The following MYO7A variants were observed in gnomAD, a reference collection of about 807,000 sequenced individuals.
MYO7A encodes the protein myosin VIIA, also known as unconventional myosin-VIIa.
MYO7A carries 210 observed loss-of-function variants against 263.8 expected under a neutral mutation model. That is an observed-to-expected ratio of 0.80 (90% CI 0.71 to 0.89). The LOEUF is 0.89. Among genes scored for constraint, MYO7A ranks in the 40% least tolerant of loss-of-function variants. MYO7A has a pLI of 0.00. For synonymous variants in MYO7A, 1,239 were observed against 1,197.3 expected (o/e 1.03, Z -0.72); for missense variants, 2,820 against 2,968.3 (o/e 0.95, Z 1.16).
In MYO7A at chr11:77,208,573, C is replaced by T. The variant is rs1187206039; in HGVS notation, c.5944+56C>T. On this transcript the variant is annotated intron_variant, in intron 43 of 48. Transcript: ENST00000409709. The stretch of plus-strand genomic sequence containing the variant: ...GGCCCAGAGCAGGGAAGTGTGGGCT[C>T]GGGGCTGTGCCGTGAGGCCCACCTA... 8.9e-6 allele frequency: 14 copies of T among 1,567,392 alleles called. No homozygotes were observed. The East Asian group carries it at 1.8e-4, about 21-fold the overall frequency.
intron 18 of MYO7A, among the ~76,000 whole-genome samples, chr11:77,176,983 T>C (rs1555080411): frequency 6.6e-6 from 1 of 152,154 alleles, no homozygotes; most frequent in Non-Finnish European, 1.5e-5. Flanking sequence ...GCAGACACCC[T>C]GGATCATGGG....
intron 15 of MYO7A, 50 bp downstream of exon 15, chr11:77,166,212 G>A (rs1555072499): frequency 1.3e-6 from 2 of 1,511,792 alleles, no homozygotes; most frequent in Non-Finnish European, 1.8e-6. Context: ...CACGGGCCAG[G>A]CCTGAGTCTA....
rs551521854 is a variant in MYO7A, at chr11:77,182,411, C to T, written c.3109-13C>T. On this transcript the variant is annotated splice_polypyrimidine_tract_variant and intron_variant, in intron 24 of 48. Transcript: ENST00000409709. ...CCTCCGCTCTGGCCTCTGACATGCG[C>T]GCTCTGCCCCAGGCAGCCCTGGCGG... The T allele has an allele frequency of 8.8e-5, 142 of 1,607,670 alleles. No homozygotes were observed. In the South Asian group the frequency reaches 9.3e-4, roughly 11 times the overall value.
intron 4 of MYO7A, among the ~76,000 whole-genome samples, chr11:77,151,951 C>A (rs906074406): frequency 6.6e-6 from 1 of 152,190 alleles, no homozygotes; most frequent in East Asian, 1.9e-4. Flanking sequence ...CCCTACCCCC[C>A]ACACATCTGC....
intron 3 of MYO7A, among the ~76,000 whole-genome samples, chr11:77,147,166 C>G (rs1176634830): frequency 1.3e-5 from 2 of 152,092 alleles, no homozygotes; most frequent in Non-Finnish European, 2.9e-5. Context: ...ACCTGCCAAG[C>G]CTTTGCCAGC....
Position 77,190,013 on chromosome 11 carries a change from G to A in MYO7A, c.3631-7G>A, listed in dbSNP as rs1955932094. On this transcript the variant is annotated splice_region_variant and splice_polypyrimidine_tract_variant and intron_variant, in intron 28 of 48. Coordinates refer to ENST00000409709, the MANE Select transcript of MYO7A (RefSeq NM_000260.4). ...AGGGGCCGCCTCAGCGGGTACTCTG[G>A]CTGCAGTACCTGCGGAACTTCATCC... 2.0e-6 allele frequency: 3 copies of A among 1,536,146 alleles called. No individual in the cohort carries two copies. In the South Asian group the frequency reaches 3.6e-5, roughly 19 times the overall value.
Position 77,138,635 on chromosome 11 carries a change from T to C in MYO7A, c.19-4074T>C, listed in dbSNP as rs1376296325. Among the ~76,000 whole-genome samples, 1 of 152,150 alleles carries C rather than the reference T, an allele frequency of 6.6e-6. No individual in the cohort carries two copies. Among genetic ancestry groups the C allele is most frequent in the African/African-American group, 2.4e-5 (1 of 41,440 alleles). The stretch of plus-strand genomic sequence containing the variant: ...TTCCTAGGAGGAGAGGTTTTGCATC[T>C]GGGAAACCCAAGCCAGGCAGGCCAG... On this transcript the variant is annotated intron_variant, in intron 2 of 48. Transcript: ENST00000409709. This position sits in a 1 kb window ranked among gnomAD's most constrained non-coding sequence, Gnocchi z 4.9.
intron 32 of MYO7A, 96 bp from the exon 33 acceptor site, chr11:77,197,367 ACAGGAGGTGCAGGAGCCC>A: frequency 1.4e-6 from 1 of 738,420 alleles, no homozygotes; most frequent in Non-Finnish European, 2.2e-6. Context: ...GCCACGATGC[ACAGGAGGTGCAGGAGCCC>A]CAGGCTGCTC....
chr11:77,140,491 C>T (rs964222267), intron 2 of MYO7A, among the ~76,000 whole-genome samples: 18 of 152,194 alleles, frequency 1.2e-4, no homozygotes, highest in Non-Finnish European at 2.2e-4. Context: ...GGAGACAGTC[C>T]CCTGGCCACA....
chr11:77,213,400 G>C (rs1022643510), intron 47 of MYO7A, among the ~76,000 whole-genome samples: 12 of 152,228 alleles, frequency 7.9e-5, no homozygotes, highest in African/African-American at 2.9e-4. Context: ...GGGTCCGACT[G>C]GACAGGTGGT....
At chr11:77,159,384 C>T in intron 9 of MYO7A, 63 bp from the exon 10 acceptor site, 1 of 1,495,686 alleles carries the variant, frequency 6.7e-7, no homozygotes, top group Non-Finnish European at 9.2e-7. Context: ...CCTCTTAGGA[C>T]TGTCCCCTTG....
intron 38 of MYO7A, among the ~76,000 whole-genome samples, chr11:77,203,850 C>T (rs1348069445): frequency 6.6e-6 from 1 of 152,142 alleles, no homozygotes; most frequent in Non-Finnish European, 1.5e-5. Context: ...TCAGATTCAC[C>T]ATCTGGGAAG....
Position 77,182,136 on chromosome 11 carries a change from C to T in MYO7A, c.3090C>T (p.Asp1030=), listed in dbSNP as rs782192026. 3.7e-5 allele frequency: 60 copies of T among 1,613,336 alleles called. 1 individual carries two copies. In the South Asian group the frequency reaches 4.7e-4, roughly 13 times the overall value. The change falls in exon 24 of 49, where the codon GAC becomes GAT. Residue 1030 remains aspartate (D), a synonymous_variant. Coordinates refer to ENST00000409709, the MANE Select transcript of MYO7A (RefSeq NM_000260.4). ...RPLKQPLLYH[D]DEGDQLAALA... ...TCAAACAGCCACTGCTCTACCATGACGACGAGGGTGACCAGCTGGTAAGGC... is the reference window on the plus strand; with the variant it reads ...TCAAACAGCCACTGCTCTACCATGATGACGAGGGTGACCAGCTGGTAAGGC...
In MYO7A at chr11:77,147,964, C is replaced by G. The variant is rs876657532; in HGVS notation, c.285+14C>G. Reference sequence around the variant, plus strand: ...CACCTCATCTACGTGAGTGCCGCCCCGCCCGGTGCCCGTCCAGGCCCCCTC... The same window carrying G: ...CACCTCATCTACGTGAGTGCCGCCCGGCCCGGTGCCCGTCCAGGCCCCCTC... On this transcript the variant is annotated intron_variant, in intron 4 of 48. Transcript: ENST00000409709. 3 of 1,531,464 alleles carry G rather than the reference C, an allele frequency of 2.0e-6. No homozygotes were observed. The highest frequency in any genetic ancestry group is 2.8e-5 in the African/African-American group (2 of 72,460). The allele number at this position is 1,531,464 out of a possible 1,614,324, so 94.9% of individuals were successfully genotyped here. A position where few individuals can be genotyped will look rare whatever the true frequency, so the allele number is the denominator to read the frequency against.
intron 32 of MYO7A, among the ~76,000 whole-genome samples, chr11:77,194,727 C>A (rs903108905): frequency 1.3e-5 from 2 of 152,232 alleles, no homozygotes; most frequent in African/African-American, 4.8e-5. Flanking sequence ...CTTAACCTTG[C>A]AGCCTCTGTG....
chr11:77,134,691 T>G (rs1950860074), intron 2 of MYO7A, among the ~76,000 whole-genome samples: 1 of 152,174 alleles, frequency 6.6e-6, no homozygotes, highest in African/African-American at 2.4e-5. Context: ...TTAATTTTTT[T>G]GTATGGCTTT....
rs1199504485 is a variant in MYO7A at position 77,170,736 on chromosome 11, G to A, written c.1798-2012G>A. ...CCAGGGGAGGTTGGCCTGGAATGTG[G>A]GGGATGGAAGCAAAGAGACGAGTTG... On this transcript the variant is annotated intron_variant, in intron 15 of 48. Transcript: ENST00000409709. Among the ~76,000 whole-genome samples, 5 of 152,318 alleles carry A rather than the reference G, an allele frequency of 3.3e-5. 1 individual carries two copies. Among genetic ancestry groups the A allele is most frequent in the Non-Finnish European group, 7.4e-5 (5 of 68,012 alleles).
rs77440311 is a variant in MYO7A, at chr11:77,172,631, C to T, written c.1798-117C>T. The T allele has an allele frequency of 1.2e-4, 165 of 1,343,554 alleles. No homozygotes were observed. The African/African-American group carries it at 2.3e-3, about 18-fold the overall frequency. 83.2% of individuals were successfully genotyped at this position (1,343,554 alleles called of 1,614,324 possible). A position where few individuals can be genotyped will look rare whatever the true frequency, so the allele number is the denominator to read the frequency against. Reference sequence around the variant, plus strand: ...GTTTGCAGGAAAACTTCAAATACCGCCCTGTCCCTCAAACCCTGACCCCGC... The same window carrying T: ...GTTTGCAGGAAAACTTCAAATACCGTCCTGTCCCTCAAACCCTGACCCCGC... On this transcript the variant is annotated intron_variant, in intron 15 of 48. Transcript: ENST00000409709.
At chr11:77,136,556 C>A (rs1257937648) in intron 2 of MYO7A, among the ~76,000 whole-genome samples, 1 of 151,916 alleles carries the variant, frequency 6.6e-6, no homozygotes, top group Non-Finnish European at 1.5e-5. Flanking sequence ...TAATGTCTGC[C>A]TAAAAAAAAA....
Sources: allele counts gnomAD v4.1 joint callset (sites outside exome capture counted in the v4.1 genomes callset), GRCh38; gene constraint gnomAD v4.1.1; non-coding constraint Gnocchi (gnomAD v3.1); transcripts MANE v1.5; gene names NCBI Gene and HGNC (gene_info 2026-07-23, HGNC 2026-07-21).